CDH22: variants seen among roughly 807,000 people sequenced by gnomAD.
The protein encoded by CDH22 is cadherin 22, also known as cadherin-22.
In CDH22, 30 loss-of-function variants were observed where a neutral mutation model predicts 58.4. That is an observed-to-expected ratio of 0.51 (90% CI 0.38 to 0.70). CDH22 has a LOEUF of 0.70. Ranked by LOEUF, CDH22 falls within the 30% of genes least tolerant of loss-of-function variation. CDH22 has a pLI of 0.00. For synonymous variants in CDH22, 513 were observed against 558.2 expected, an observed-to-expected ratio of 0.92 and a Z score of 1.14; for missense variants, 1,014 against 1,233.9, an observed-to-expected ratio of 0.82 and a Z score of 2.67.
At position 46,174,831 on chromosome 20, in the gene CDH22, G is replaced by A. The variant is rs2085725257; in HGVS notation, c.2162C>T (p.Pro721Leu). 7.2e-7 allele frequency: 1 copy of A among 1,393,368 alleles called. No individual in the cohort carries two copies. Among genetic ancestry groups the A allele is most frequent in the African/African-American group, 1.5e-5 (1 of 66,706 alleles). The allele number at this position is 1,393,368 out of a possible 1,614,324, so 86.3% of individuals were successfully genotyped here. A position where few individuals can be genotyped will look rare whatever the true frequency, so the allele number is the denominator to read the frequency against. ...GGGSGGGAGS[P>L]PQAHLPSERH... ...CTCGGAGGGCAGGTGGGCCTGCGGGGGGCTGCCCGCGCCCCCGCCCGAGCC... is the reference window on the plus strand; with the variant it reads ...CTCGGAGGGCAGGTGGGCCTGCGGGAGGCTGCCCGCGCCCCCGCCCGAGCC... The change falls in exon 12 of 12, where the codon CCC becomes CTC. Residue 721 changes from proline to leucine, a missense_variant. Physicochemically the swap from Pro to Leu is moderately conservative, Grantham distance 98. Coordinates refer to ENST00000537909, the MANE Select transcript of CDH22 (RefSeq NM_021248.3). The surrounding 1 kb of genome is among the most constrained non-coding windows in gnomAD (Gnocchi z 4.4).
intron 1 of CDH22, among the ~76,000 whole-genome samples, chr20:46,257,538 G>A (rs1024968193): frequency 4.6e-5 from 7 of 152,154 alleles, no homozygotes; most frequent in African/African-American, 9.7e-5. Flanking sequence ...CCTGGGCAGC[G>A]GCAATGATGG....
At chr20:46,231,804 T>G (rs1360146267) in intron 3 of CDH22, among the ~76,000 whole-genome samples, 2 of 152,218 alleles carry the variant, frequency 1.3e-5, no homozygotes, top group African/African-American at 2.4e-5. Flanking sequence ...TCCTGTGGTT[T>G]CAGGTCCTAC....
intron 3 of CDH22, 114 bp downstream of exon 3, chr20:46,240,849 A>G: frequency 1.0e-6 from 1 of 972,658 alleles, no homozygotes; most frequent in Non-Finnish European, 1.5e-6. Flanking sequence ...ACCCTAGGTC[A>G]GCAGGCTCTG....
intron 1 of CDH22, among the ~76,000 whole-genome samples, chr20:46,254,102 G>A (rs981449105): frequency 8.5e-5 from 13 of 152,168 alleles, no homozygotes; most frequent in African/African-American, 2.9e-4. Context: ...GTTAACAATC[G>A]CTTTCTGTTT....
chr20:46,222,399 A>G (rs1337407088), intron 4 of CDH22, among the ~76,000 whole-genome samples: 2 of 152,302 alleles, frequency 1.3e-5, no homozygotes, highest in East Asian at 3.9e-4. Flanking sequence ...AAGCTCCGTG[A>G]GGGCAGAAAC....
intron 1 of CDH22, among the ~76,000 whole-genome samples, chr20:46,297,011 T>C (rs2086631882): frequency 6.6e-6 from 1 of 152,150 alleles, no homozygotes; most frequent in African/African-American, 2.4e-5. Context: ...GAGGGTCTTA[T>C]GGTCCCAAAT....
chr20:46,292,916 T>TTGTGTGTGTGTGTGTGTGTGTG, intron 1 of CDH22, among the ~76,000 whole-genome samples: 1 of 143,816 alleles, frequency 7.0e-6, no homozygotes, highest in East Asian at 2.0e-4. Context: ...CAGCCACTGG[T>TTGTGTGTGTGTGTGTGTGTGTG]TGTGTGTGTG....
intron 2 of CDH22, among the ~76,000 whole-genome samples, chr20:46,245,749 C>T (rs1047078104): frequency 6.6e-6 from 1 of 152,210 alleles, no homozygotes; most frequent in African/African-American, 2.4e-5. Context: ...ATCCCAGGTA[C>T]AGATGGACAG....
intron 1 of CDH22, among the ~76,000 whole-genome samples, chr20:46,303,347 T>G (rs564487401): frequency 6.6e-6 from 1 of 152,266 alleles, no homozygotes; most frequent in Admixed American, 6.5e-5. Context: ...CCTGCAGGTG[T>G]GCCTCAACAG....
intron 1 of CDH22, among the ~76,000 whole-genome samples, chr20:46,299,542 CAT>C (rs1016299358): frequency 3.9e-5 from 6 of 152,260 alleles, no homozygotes; most frequent in Non-Finnish European, 7.4e-5. Context: ...TGCGTACAAA[CAT>C]ATACAGAATT....
chr20:46,268,919 CCTT>C (rs1444466174), intron 1 of CDH22, among the ~76,000 whole-genome samples: 4 of 152,200 alleles, frequency 2.6e-5, no homozygotes, highest in African/African-American at 9.7e-5. Context: ...CTGGCATACT[CCTT>C]CTTTCCCCAG....
intron 1 of CDH22, among the ~76,000 whole-genome samples, chr20:46,270,372 G>A (rs567866177): frequency 1.3e-5 from 2 of 152,180 alleles, no homozygotes; most frequent in Non-Finnish European, 2.9e-5. Flanking sequence ...ACTGTGAGCA[G>A]GGCCCCATCT....
chr20:46,192,834 C>T (rs1417086493), intron 8 of CDH22, among the ~76,000 whole-genome samples: 11 of 151,990 alleles, frequency 7.2e-5, no homozygotes, highest in South Asian at 4.2e-4. Flanking sequence ...GCGCACGGGA[C>T]GAGCAGATGG....
At chr20:46,205,219 A>T (rs1402848696) in intron 7 of CDH22, among the ~76,000 whole-genome samples, 1 of 152,130 alleles carries the variant, frequency 6.6e-6, no homozygotes, top group African/African-American at 2.4e-5. Flanking sequence ...ATGAAAGGGA[A>T]AAAATGGGTG....
intron 1 of CDH22, among the ~76,000 whole-genome samples, chr20:46,254,025 G>C (rs558305028): frequency 1.3e-5 from 2 of 152,328 alleles, no homozygotes; most frequent in African/African-American, 2.4e-5. Flanking sequence ...CCAAACATGA[G>C]GGTCTGCTAC....
At chr20:46,186,795 C>A (rs748729861) in intron 9 of CDH22, 31 bp downstream of exon 9, 4 of 1,595,528 alleles carry the variant, frequency 2.5e-6, no homozygotes, top group Non-Finnish European at 3.4e-6. Context: ...GTCCTGGAAG[C>A]AACGCCCAGT....
intron 3 of CDH22, among the ~76,000 whole-genome samples, chr20:46,233,875 T>C (rs1297977132): frequency 6.6e-6 from 1 of 152,230 alleles, no homozygotes. Context: ...TAGATCTTCC[T>C]GGACTTTAAT....
intron 2 of CDH22, among the ~76,000 whole-genome samples, chr20:46,249,141 G>C (rs2086351925): frequency 6.6e-6 from 1 of 152,210 alleles, no homozygotes; most frequent in South Asian, 2.1e-4. Flanking sequence ...TGTTGGGGCA[G>C]TAAAGTAACT....
intron 7 of CDH22, among the ~76,000 whole-genome samples, chr20:46,206,710 C>CT (rs1205882690): frequency 6.6e-6 from 1 of 152,192 alleles, no homozygotes; most frequent in Non-Finnish European, 1.5e-5. Context: ...TCCTATCACT[C>CT]TATTTTCTTC....
Sources: allele counts gnomAD v4.1 joint callset (sites outside exome capture counted in the v4.1 genomes callset), GRCh38; gene constraint gnomAD v4.1.1; non-coding constraint Gnocchi (gnomAD v3.1); transcripts MANE v1.5; gene names NCBI Gene and HGNC (gene_info 2026-07-23, HGNC 2026-07-21).